ZCCHC4: variants seen among roughly 807,000 people sequenced by gnomAD.
The protein encoded by ZCCHC4 is zinc finger CCHC-type containing 4.
In ZCCHC4, 54 loss-of-function variants were observed where a neutral mutation model predicts 67.7. The ratio of observed to expected loss-of-function variants is 0.80; its 90% CI spans 0.64 to 1.00. The LOEUF is 1.00. Ranked by LOEUF, ZCCHC4 falls within the 50% of genes least tolerant of loss-of-function variation. The pLI is 0.00. For synonymous variants in ZCCHC4, 198 were observed against 213.5 expected (o/e 0.93, Z 0.63); for missense variants, 609 against 617.0 (o/e 0.99, Z 0.14).
chr4:25,341,492 C>T (rs1208207125), intron 5 of ZCCHC4, among the ~76,000 whole-genome samples: 1 of 152,188 alleles, frequency 6.6e-6, no homozygotes, highest in African/African-American at 2.4e-5. Context: ...TATGACATGC[C>T]TGCTCCCCTT....
intron 3 of ZCCHC4, among the ~76,000 whole-genome samples, chr4:25,315,728 T>C (rs1174532526): frequency 1.6e-5 from 2 of 128,150 alleles, no homozygotes; most frequent in Non-Finnish European, 3.4e-5. Context: ...TTTTTTTTTT[T>C]TGAGACAGGG....
chr4:25,365,088 A>G lies in ZCCHC4; in HGVS notation c.1328A>G (p.His443Arg), dbSNP rs552545955. 7 of 1,614,238 alleles carry G rather than the reference A, an allele frequency of 4.3e-6. No homozygotes were observed. Among genetic ancestry groups the G allele is most frequent in the East Asian group, 2.2e-5 (1 of 44,886 alleles). ...GATCATTCTTGTGAGGGCCCCAAAC[A>G]TGGCTGCTTTATTTGTGGTGAACTG... is the stretch of plus-strand genomic sequence containing the variant. ...VPDHSCEGPKHGCFICGELDH... is the reference protein window; with the variant it reads ...VPDHSCEGPKRGCFICGELDH... The change falls in exon 12 of 13, where the codon CAT becomes CGT. Residue 443 changes from histidine (H) to arginine (R), a missense_variant. Physicochemically the swap from His to Arg is conservative, Grantham distance 29. Coordinates refer to ENST00000302874, the MANE Select transcript of ZCCHC4 (RefSeq NM_024936.3).
chr4:25,359,163 C>G lies in ZCCHC4; in HGVS notation c.1012-2696C>G, dbSNP rs956474857. Among the ~76,000 whole-genome samples, 2 of 152,182 alleles carry G rather than the reference C, an allele frequency of 1.3e-5. No individual in the cohort carries two copies. The highest frequency in any genetic ancestry group is 2.9e-5 in the Non-Finnish European group (2 of 68,042). On this transcript the variant is annotated intron_variant, in intron 8 of 12. Transcript: ENST00000302874. The surrounding 1 kb of genome is among the most constrained non-coding windows in gnomAD (Gnocchi z 4.9). ...AAACCTGGGCAGCAGTAGATGGGTC[C>G]CCCGCAAGCATGGAGAAGGTACTGA...
At chr4:25,324,708 A>G (rs1239788508) in intron 3 of ZCCHC4, among the ~76,000 whole-genome samples, 1 of 152,230 alleles carries the variant, frequency 6.6e-6, no homozygotes, top group East Asian at 1.9e-4. Context: ...CCTGTCTCCT[A>G]CAACACTTGT....
chr4:25,313,014 C>T (rs1718038593), intron 1 of ZCCHC4, 78 bp downstream of exon 1: 2 of 1,555,536 alleles, frequency 1.3e-6, no homozygotes, highest in African/African-American at 2.7e-5. Flanking sequence ...TTTGGGGCTC[C>T]TGTATTTTTA....
intron 3 of ZCCHC4, among the ~76,000 whole-genome samples, chr4:25,318,720 C>T (rs6824456): frequency 0.077 from 11,772 of 151,970 alleles, 511 homozygotes; most frequent in South Asian, 0.11. Context: ...TTTTGAAATT[C>T]ATATTTTATA....
Position 25,369,172 on chromosome 4 carries a change from G to C in ZCCHC4, c.*8G>C. On this transcript the variant is annotated 3_prime_UTR_variant, in exon 13 of 13. Transcript: ENST00000302874. ...CAATATCTTGGCTCTTAAATGTCCA[G>C]TGACTGGAGAATAAGAAAGATTTAT... is the stretch of plus-strand genomic sequence containing the variant. The C allele has an allele frequency of 6.2e-7, 1 of 1,607,960 alleles. No homozygotes were observed. The highest frequency in any genetic ancestry group is 1.3e-5 in the African/African-American group (1 of 74,460).
Position 25,369,204 on chromosome 4 carries a change from AC to A in ZCCHC4, c.*42del. ...GAGAATAAGAAAGATTTATGGTCCA[AC>A]CTTTGATGCCATTTTCTGAAAGTGC... On this transcript the variant is annotated 3_prime_UTR_variant, in exon 13 of 13. Coordinates refer to ENST00000302874, the MANE Select transcript of ZCCHC4 (RefSeq NM_024936.3). The A allele has an allele frequency of 6.2e-7, 1 of 1,601,150 alleles. No individual in the cohort carries two copies. The highest frequency in any genetic ancestry group is 1.1e-5 in the South Asian group (1 of 87,814).
At chr4:25,347,524 G>A (rs947379001) in intron 6 of ZCCHC4, among the ~76,000 whole-genome samples, 1 of 152,164 alleles carries the variant, frequency 6.6e-6, no homozygotes, top group Admixed American at 6.5e-5. Context: ...TGTAGAGATT[G>A]ATCTGCAGAA....
intron 3 of ZCCHC4, among the ~76,000 whole-genome samples, chr4:25,325,136 G>T (rs1231374579): frequency 8.1e-6 from 1 of 122,702 alleles, no homozygotes; most frequent in African/African-American, 2.6e-5. Context: ...CCAGCTACTC[G>T]GGAGGCTGAG....
chr4:25,332,611 AT>A (rs1209729075), intron 3 of ZCCHC4, among the ~76,000 whole-genome samples: 1 of 152,198 alleles, frequency 6.6e-6, no homozygotes, highest in African/African-American at 2.4e-5. Context: ...CAAATGGGAT[AT>A]TCAGTGTAGT....
In ZCCHC4 at chr4:25,315,386, G is replaced by A. The variant is rs748802959; in HGVS notation, c.315G>A (p.Thr105=). 1.2e-6 allele frequency: 2 copies of A among 1,611,476 alleles called. No individual in the cohort carries two copies. The highest frequency in any genetic ancestry group is 1.1e-5 in the South Asian group (1 of 90,646). The change falls in exon 3 of 13, where the codon ACG becomes ACA. Residue 105 remains threonine (T), a synonymous_variant. Transcript: ENST00000302874. ...NRRCQPPLSR[T]QCVERYLKFI... is the part of the protein sequence containing the mutation. Reference sequence around the variant, plus strand: ...GATGTCAGCCTCCCCTGTCCCGAACGCAGTGTGTGGAAAGGTACTGATGCA... The same window carrying A: ...GATGTCAGCCTCCCCTGTCCCGAACACAGTGTGTGGAAAGGTACTGATGCA...
Position 25,369,192 on chromosome 4 carries a change from A to T in ZCCHC4, c.*28A>T. On this transcript the variant is annotated 3_prime_UTR_variant, in exon 13 of 13. Transcript: ENST00000302874. The stretch of plus-strand genomic sequence containing the variant: ...GTCCAGTGACTGGAGAATAAGAAAG[A>T]TTTATGGTCCAACCTTTGATGCCAT... The T allele has an allele frequency of 6.2e-7, 1 of 1,604,742 alleles. No individual in the cohort carries two copies. Among genetic ancestry groups the T allele is most frequent in the Non-Finnish European group, 8.5e-7 (1 of 1,177,936 alleles).
Position 25,351,699 on chromosome 4 carries a change from A to G in ZCCHC4, c.1011+10A>G, listed in dbSNP as rs554261131. On this transcript the variant is annotated intron_variant, in intron 8 of 12. Transcript: ENST00000302874. Reference sequence around the variant, plus strand: ...GATGCTGGATTACCAGGTAGAGTACATATTCTGTTTTCTGGCATGGTTGGG... The same window carrying G: ...GATGCTGGATTACCAGGTAGAGTACGTATTCTGTTTTCTGGCATGGTTGGG... The G allele has an allele frequency of 2.2e-5, 35 of 1,589,256 alleles. No individual in the cohort carries two copies. Among genetic ancestry groups the G allele is most frequent in the South Asian group, 2.0e-4 (18 of 87,902 alleles).
At position 25,339,189 on chromosome 4, in the gene ZCCHC4, T is replaced by C. The variant is rs76537310; in HGVS notation, c.686+5201T>C. Among the ~76,000 whole-genome samples, 1,034 of 152,318 alleles carry C rather than the reference T, an allele frequency of 6.8e-3. 10 individuals are homozygous for C. Among genetic ancestry groups the C allele is most frequent in the African/African-American group, 0.023 (971 of 41,582 alleles). On this transcript the variant is annotated intron_variant, in intron 5 of 12. Transcript: ENST00000302874. ...AGTAAGGCTCACACTAATGGCCTCATTGTAACTTAATTACCTCTTTAAAGG... is the reference window on the plus strand; with the variant it reads ...AGTAAGGCTCACACTAATGGCCTCACTGTAACTTAATTACCTCTTTAAAGG...
At chr4:25,366,082 T>G (rs1156694744) in intron 12 of ZCCHC4, 1 of 973,310 alleles carries the variant, frequency 1.0e-6, no homozygotes, top group African/African-American at 1.8e-5. Context: ...GTTAGAAATA[T>G]CTGATAGTTT....
rs1719297210 is a variant in ZCCHC4, at chr4:25,333,549, G to GTA, written c.605+94_605+95dup. On this transcript the variant is annotated intron_variant, in intron 4 of 12. Coordinates refer to ENST00000302874, the MANE Select transcript of ZCCHC4 (RefSeq NM_024936.3). ...TAAGTAGTTACTTACTCTGTGCAAGGTATAGCATGAAGCTTTGAGTATTTA... is the reference window on the plus strand; with the variant it reads ...TAAGTAGTTACTTACTCTGTGCAAGGTATATAGCATGAAGCTTTGAGTATTTA... 3.7e-6 allele frequency: 5 copies of GTA among 1,362,296 alleles called. No homozygotes were observed. In the South Asian group the frequency reaches 5.4e-5, roughly 15 times the overall value. 84.4% of individuals were successfully genotyped at this position (1,362,296 alleles called of 1,614,324 possible). A position where few individuals can be genotyped will look rare whatever the true frequency, so the allele number is the denominator to read the frequency against.
intron 8 of ZCCHC4, among the ~76,000 whole-genome samples, 167 bp downstream of exon 8, chr4:25,351,856 G>C (rs1038858244): frequency 2.0e-5 from 3 of 152,066 alleles, no homozygotes; most frequent in African/African-American, 7.2e-5. Context: ...GTAATCCCTA[G>C]AGTGCATGTT....
chr4:25,362,827 T>C lies in ZCCHC4; in HGVS notation c.1209+526T>C, dbSNP rs562927050. On this transcript the variant is annotated intron_variant, in intron 10 of 12. Coordinates refer to ENST00000302874, the MANE Select transcript of ZCCHC4 (RefSeq NM_024936.3). ...GGACATCCTCCTATTTATTTATTTA[T>C]TTAGGTATTATTTTTTCTTAATAGA... 2.0e-5 allele frequency among the ~76,000 whole-genome samples: 3 copies of C among 152,308 alleles called. No individual in the cohort carries two copies. In the South Asian group the frequency reaches 6.2e-4, roughly 32 times the overall value.
Sources: allele counts gnomAD v4.1 joint callset (sites outside exome capture counted in the v4.1 genomes callset), GRCh38; gene constraint gnomAD v4.1.1; non-coding constraint Gnocchi (gnomAD v3.1); transcripts MANE v1.5; gene names NCBI Gene and HGNC (gene_info 2026-07-23, HGNC 2026-07-21).